The following ANKRD28 variants were observed in gnomAD, a reference collection of about 807,000 sequenced individuals.
The protein encoded by ANKRD28 is ankyrin repeat domain 28.
In ANKRD28, 44 loss-of-function variants were observed where a neutral mutation model predicts 126.5. The observed-to-expected ratio is 0.35, with a 90% CI of 0.27 to 0.45. The LOEUF (loss-of-function observed/expected upper bound fraction) is 0.45. Among genes scored for constraint, ANKRD28 ranks in the 20% least tolerant of loss-of-function variants. ANKRD28 has a pLI of 1.00. For missense variants in ANKRD28, 1,110 were observed against 1,316.6 expected, an observed-to-expected ratio of 0.84 and a Z score of 2.43; for synonymous variants, 442 against 468.5, an observed-to-expected ratio of 0.94 and a Z score of 0.73.
intron 3 of ANKRD28, among the ~76,000 whole-genome samples, chr3:15,755,978 T>A (rs2058131641): frequency 6.6e-6 from 1 of 152,172 alleles, no homozygotes; most frequent in African/African-American, 2.4e-5. Context: ...CATCAGTGAG[T>A]ACTATAAACC....
chr3:15,819,690 A>G (rs1045207832), intron 1 of ANKRD28, among the ~76,000 whole-genome samples: 1 of 152,232 alleles, frequency 6.6e-6, no homozygotes, highest in African/African-American at 2.4e-5. Context: ...AATCAGATGC[A>G]TACCAATGTA....
Position 15,714,604 on chromosome 3 carries a change from G to A in ANKRD28, c.1049C>T (p.Ser350Phe), listed in dbSNP as rs1291354148. 6.3e-7 allele frequency: 1 copy of A among 1,597,542 alleles called. No homozygotes were observed. Among genetic ancestry groups the A allele is most frequent in the African/African-American group, 1.4e-5 (1 of 73,520 alleles). The stretch of plus-strand genomic sequence containing the variant: ...ACTCTGGATAATGGTTTGTGATCGG[G>A]AGAATCTACCGTGGAGAGCAGTCAT... ...LHMTALHGRF[S>F]RSQTIIQSGA... Residue 350 changes from serine to phenylalanine, a missense_variant, in exon 9 of 28, where the codon TCC (serine) becomes TTC (phenylalanine). Ser to Phe is a radical substitution (Grantham distance 155). Transcript: ENST00000683139.
In ANKRD28 at chr3:15,679,533, T is replaced by C; in HGVS notation, c.2420A>G (p.Glu807Gly). 1 of 1,613,254 alleles carries C rather than the reference T, an allele frequency of 6.2e-7. No individual in the cohort carries two copies. Among genetic ancestry groups the C allele is most frequent in the Non-Finnish European group, 8.5e-7 (1 of 1,179,504 alleles). The part of the protein sequence containing the change: ...GHETCVELLL[E>G]QEVFQKTEGN... ...TTCCGTTTTCTGGAAAACTTCCTGT[T>C]CTAAAAGCAGTTCTACACATGTCTC... Residue 807 changes from glutamate (E) to glycine (G), a missense_variant, in exon 22 of 28, where the codon GAA (glutamate) becomes GGA (glycine). Transcript: ENST00000683139.
intron 11 of ANKRD28, 125 bp downstream of exon 11, chr3:15,712,011 CTAAA>C: frequency 1.4e-6 from 1 of 731,694 alleles, no homozygotes; most frequent in South Asian, 1.8e-5. Context: ...CCAACACGTT[CTAAA>C]AGGGGTTATT....
At position 15,743,545 on chromosome 3, in the gene ANKRD28, AACACACACACAC is replaced by A. The variant is rs4036221; in HGVS notation, c.352-6324_352-6313del. ...CTCCAGCAGTGCAGTGTGGCTTTTT[AACACACACACAC>A]ACACACACACACACACACACACACA... On this transcript the variant is annotated intron_variant, in intron 4 of 27. Coordinates refer to ENST00000683139, the MANE Select transcript of ANKRD28 (RefSeq NM_001349278.2). Among the ~76,000 whole-genome samples the A allele has an allele frequency of 5.1e-3, 721 of 140,480 alleles. 6 individuals carry two copies. The highest frequency in any genetic ancestry group is 0.015 in the African/African-American group (577 of 37,282). The allele number at this position is 140,480 out of a possible 152,430, so 92.2% of individuals were successfully genotyped here. A position where few individuals can be genotyped will look rare whatever the true frequency, so the allele number is the denominator to read the frequency against.
chr3:15,734,632 C>T (rs939472953), intron 6 of ANKRD28, among the ~76,000 whole-genome samples: 1 of 152,130 alleles, frequency 6.6e-6, no homozygotes, highest in African/African-American at 2.4e-5. Context: ...ACAACCCCAG[C>T]CTTATAGGAC....
intron 13 of ANKRD28, 127 bp from the exon 14 acceptor site, chr3:15,708,191 T>C (rs1190107878): frequency 1.1e-5 from 12 of 1,063,328 alleles, no homozygotes; most frequent in African/African-American, 1.6e-5. Context: ...GACTACCATA[T>C]ACTAAGTCTT....
chr3:15,743,379 A>C (rs186380121), intron 4 of ANKRD28, among the ~76,000 whole-genome samples: 11 of 148,852 alleles, frequency 7.4e-5, no homozygotes, highest in East Asian at 5.8e-4. Flanking sequence ...AACAAACAAA[A>C]AAAAACAAAA....
At chr3:15,754,063 A>C (rs2058027274) in intron 3 of ANKRD28, among the ~76,000 whole-genome samples, 1 of 152,246 alleles carries the variant, frequency 6.6e-6, no homozygotes, top group African/African-American at 2.4e-5. Flanking sequence ...ATGTAGAAAA[A>C]GGAAGAGATA....
In ANKRD28 at chr3:15,816,311, A is replaced by C. The variant is rs911043566; in HGVS notation, c.28-21005T>G. Among the ~76,000 whole-genome samples the C allele has an allele frequency of 3.9e-5, 6 of 152,222 alleles. No individual in the cohort carries two copies. Among genetic ancestry groups the C allele is most frequent in the Non-Finnish European group, 7.3e-5 (5 of 68,028 alleles). On this transcript the variant is annotated intron_variant, in intron 1 of 27. Transcript: ENST00000399451. This position sits in a 1 kb window ranked among gnomAD's most constrained non-coding sequence, Gnocchi z 5.0. Reference sequence around the variant, plus strand: ...AATAATTGTTTGTTAATAACTATTTATATGCTAAATGCACGGAATATAGCA... The same window carrying C: ...AATAATTGTTTGTTAATAACTATTTCTATGCTAAATGCACGGAATATAGCA...
intron 3 of ANKRD28, among the ~76,000 whole-genome samples, chr3:15,763,046 T>C (rs368581532): frequency 3.8e-4 from 58 of 152,354 alleles, no homozygotes; most frequent in African/African-American, 1.4e-3. Context: ...TTTATTTCTT[T>C]ATTTTTTTTG....
chr3:15,752,743 G>C (rs1385411830), intron 3 of ANKRD28, among the ~76,000 whole-genome samples: 1 of 152,040 alleles, frequency 6.6e-6, no homozygotes, highest in Admixed American at 6.6e-5. Context: ...CTAACGTTGG[G>C]GTCAACTATA....
intron 1 of ANKRD28, among the ~76,000 whole-genome samples, chr3:15,807,953 A>C (rs2060624401): frequency 6.6e-6 from 1 of 152,244 alleles, no homozygotes. Flanking sequence ...GGTAACTTGA[A>C]TAGCTACTAT....
intron 21 of ANKRD28, among the ~76,000 whole-genome samples, chr3:15,682,732 T>TA (rs2067671264): frequency 6.6e-6 from 1 of 152,192 alleles, no homozygotes; most frequent in Non-Finnish European, 1.5e-5. Context: ...AATTACTAGT[T>TA]AAAGTAAAAA....
intron 18 of ANKRD28, chr3:15,689,771 T>C: frequency 2.8e-6 from 1 of 353,882 alleles, no homozygotes; most frequent in Non-Finnish European, 5.1e-6. Flanking sequence ...TTTACTTGGG[T>C]TGATATAATA....
chr3:15,682,006 T>C (rs1328207970), intron 21 of ANKRD28, among the ~76,000 whole-genome samples: 2 of 152,074 alleles, frequency 1.3e-5, no homozygotes, highest in Non-Finnish European at 2.9e-5. Flanking sequence ...AGTTGTCCAT[T>C]GTTGACTTAA....
At chr3:15,794,782 T>A (rs2060201086) in intron 2 of ANKRD28, among the ~76,000 whole-genome samples, 1 of 152,302 alleles carries the variant, frequency 6.6e-6, no homozygotes, top group South Asian at 2.1e-4. Flanking sequence ...GCAAATCTGA[T>A]CTTATATTTA....
intron 1 of ANKRD28, among the ~76,000 whole-genome samples, chr3:15,858,906 G>A (rs989037172): frequency 3.9e-5 from 6 of 152,224 alleles, no homozygotes; most frequent in African/African-American, 1.2e-4. Context: ...CTTGCATTGA[G>A]TAACTAGTCG....
In ANKRD28 at chr3:15,839,802, A is replaced by G. The variant is rs938265432; in HGVS notation, c.27+19575T>C. ...ATCAACAAAATGAAGGACAAAAACC[A>G]CATAGTCATGTCAACTGATGCTGAA... On this transcript the variant is annotated intron_variant, in intron 1 of 27. Transcript: ENST00000399451. This position sits in a 1 kb window ranked among gnomAD's most constrained non-coding sequence, Gnocchi z 4.3. Among the ~76,000 whole-genome samples the G allele has an allele frequency of 2.0e-5, 3 of 152,210 alleles. No individual in the cohort carries two copies. The highest frequency in any genetic ancestry group is 4.4e-5 in the Non-Finnish European group (3 of 68,032).
Sources: allele counts gnomAD v4.1 joint callset (sites outside exome capture counted in the v4.1 genomes callset), GRCh38; gene constraint gnomAD v4.1.1; non-coding constraint Gnocchi (gnomAD v3.1); transcripts MANE v1.5; gene names NCBI Gene and HGNC (gene_info 2026-07-23, HGNC 2026-07-21).